The following MOSPD3 variants were observed in gnomAD, a reference collection of about 807,000 sequenced individuals.
MOSPD3 encodes motile sperm domain containing 3.
In MOSPD3, 20 loss-of-function variants were observed where a neutral mutation model predicts 23.3. The ratio of observed to expected loss-of-function variants is 0.86; its 90% confidence interval spans 0.61 to 1.25. The LOEUF (loss-of-function observed/expected upper bound fraction) is 1.25. Among genes scored for constraint, MOSPD3 ranks in the 50% most tolerant of loss-of-function variants. The pLI, the probability that MOSPD3 is intolerant of heterozygous loss-of-function variation, is 0.00. For missense variants in MOSPD3, 307 were observed against 315.7 expected, an observed-to-expected ratio of 0.97 and a Z score of 0.21; for synonymous variants, 136 against 135.2, an observed-to-expected ratio of 1.01 and a Z score of -0.04.
chr7:100,614,619 T>G (rs1232522069), intron 3 of MOSPD3, among the ~76,000 whole-genome samples: 1 of 151,650 alleles, frequency 6.6e-6, no homozygotes, highest in Non-Finnish European at 1.5e-5. Flanking sequence ...ACAAACAACT[T>G]AAAAATTAGC....
chr7:100,613,709 G>A lies in MOSPD3; in HGVS notation c.511+3G>A. 1.2e-6 allele frequency: 2 copies of A among 1,610,448 alleles called. No homozygotes were observed. The highest frequency in any genetic ancestry group is 8.5e-7 in the Non-Finnish European group (1 of 1,179,484). ...CACGGCCAGACACTTCCAGGAGCGT[G>A]AGTTGGGAGACTGGGATCTTGAGTT... On this transcript the variant is annotated splice_donor_region_variant and intron_variant, in intron 3 of 4. Transcript: ENST00000393950.
At chr7:100,613,445 C>T (rs1399566704) in intron 2 of MOSPD3, 32 bp from the exon 3 acceptor site, 1 of 1,608,516 alleles carries the variant, frequency 6.2e-7, no homozygotes, top group Non-Finnish European at 8.5e-7. Context: ...CCTCATTCAC[C>T]CCAATGGGCT....
chr7:100,614,828 G>T, intron 3 of MOSPD3, 39 bp from the exon 4 acceptor site: 1 of 1,588,004 alleles, frequency 6.3e-7, no homozygotes, highest in Non-Finnish European at 8.6e-7. Flanking sequence ...GGCTGGGCAG[G>T]AGTGGGGGCT....
At chr7:100,615,085 G>A (rs1016108841) in intron 4 of MOSPD3, 54 bp downstream of exon 4, 20 of 1,614,010 alleles carry the variant, frequency 1.2e-5, no homozygotes, top group Middle Eastern at 1.6e-4. Flanking sequence ...GAGAAGGGAC[G>A]GGAGGAGAGC....
intron 3 of MOSPD3, 65 bp from the exon 4 acceptor site, chr7:100,614,802 C>T: frequency 6.6e-7 from 1 of 1,514,062 alleles, no homozygotes; most frequent in Non-Finnish European, 8.9e-7. Context: ...GTTCAGGCTT[C>T]TCCCTGGAGG....
rs1478625569 is a variant in MOSPD3, at chr7:100,614,462, C to T, written c.512-405C>T. ...GCCTGGGTGCAACAGAGTGAGACTCCGTCTCAAAAAAAAAAAAAAGTAGAT... is the reference window on the plus strand; with the variant it reads ...GCCTGGGTGCAACAGAGTGAGACTCTGTCTCAAAAAAAAAAAAAAGTAGAT... On this transcript the variant is annotated intron_variant, in intron 3 of 4. Coordinates refer to ENST00000393950, the MANE Select transcript of MOSPD3 (RefSeq NM_023948.5). Among the ~76,000 whole-genome samples, 9 of 142,592 alleles carry T rather than the reference C, an allele frequency of 6.3e-5. No individual in the cohort carries two copies. In the South Asian group the frequency reaches 8.9e-4, roughly 14 times the overall value. The allele number at this position is 142,592 out of a possible 152,430, so 93.5% of individuals were successfully genotyped here. A position where few individuals can be genotyped will look rare whatever the true frequency, so the allele number is the denominator to read the frequency against.
At position 100,612,595 on chromosome 7, in the gene MOSPD3, G is replaced by GAGGAA. The variant is rs1188916753; in HGVS notation, c.-193_-189dup. On this transcript the variant is annotated 5_prime_UTR_variant, in exon 1 of 5. Coordinates refer to ENST00000393950, the MANE Select transcript of MOSPD3 (RefSeq NM_023948.5). ...GAAGGAACCTGGGGCAGAGCTGGAA[G>GAGGAA]AGGAAAGGTCTTGGGGGCCCTGGGC... 5 of 495,178 alleles carry GAGGAA rather than the reference G, an allele frequency of 1.0e-5. No homozygotes were observed. Among genetic ancestry groups the GAGGAA allele is most frequent in the African/African-American group, 1.0e-4 (5 of 49,622 alleles). The allele number at this position is 495,178 out of a possible 1,614,324, so 30.7% of individuals were successfully genotyped here.
chr7:100,612,961 T>A lies in MOSPD3; in HGVS notation c.170T>A (p.Leu57His). ...QRSGPRQLLT[L>H]YNPTGTALRF... Reference sequence around the variant, plus strand: ...AGCGGACCCCGACAGCTGCTGACCCTCTATAACCCCACAGGAACTGCGCTT... The same window carrying A: ...AGCGGACCCCGACAGCTGCTGACCCACTATAACCCCACAGGAACTGCGCTT... Residue 57 changes from leucine (L) to histidine (H), a missense_variant, in exon 1 of 5, where the codon CTC (leucine) becomes CAC (histidine). By Grantham distance (99) the Leu-to-His change is moderately conservative (BLOSUM62 -3). Transcript: ENST00000393950. 1 of 1,613,862 alleles carries A rather than the reference T, an allele frequency of 6.2e-7. No individual in the cohort carries two copies.
chr7:100,615,288 C>G lies in MOSPD3; in HGVS notation c.*105C>G. The G allele has an allele frequency of 9.7e-7, 1 of 1,033,466 alleles. No homozygotes were observed. The highest frequency in any genetic ancestry group is 1.4e-6 in the Non-Finnish European group (1 of 707,736). 64.0% of individuals were successfully genotyped at this position (1,033,466 alleles called of 1,614,324 possible). On this transcript the variant is annotated 3_prime_UTR_variant, in exon 5 of 5. Transcript: ENST00000393950. ...CTTGCCTCCTACCCTCTTCTCTTTC[C>G]TGCCTACTCCCCACTCCTCCCTGAC...
Position 100,613,677 on chromosome 7 carries a change from C to G in MOSPD3, c.482C>G (p.Pro161Arg), listed in dbSNP as rs1311134948. ...APRPGPPAGT[P>R]PPTARHFQEH... The stretch of plus-strand genomic sequence containing the variant: ...CGCCCAGGGCCTCCTGCTGGGACAC[C>G]ACCACCCACGGCCAGACACTTCCAG... Residue 161 changes from proline (P) to arginine (R), a missense_variant, in exon 3 of 5, where the codon CCA (proline) becomes CGA (arginine). Pro to Arg is a moderately radical substitution (Grantham distance 103). Transcript: ENST00000393950. The G allele has an allele frequency of 6.2e-7, 1 of 1,613,210 alleles. No homozygotes were observed. Among genetic ancestry groups the G allele is most frequent in the African/African-American group, 1.3e-5 (1 of 74,920 alleles).
Position 100,612,877 on chromosome 7 carries a change from G to T in MOSPD3, c.86G>T (p.Gly29Val), listed in dbSNP as rs752950649. The change falls in exon 1 of 5, where the codon GGA becomes GTA. Residue 29 changes from glycine to valine, a missense_variant. By Grantham distance (109) the Gly-to-Val change is moderately radical. Coordinates refer to ENST00000393950, the MANE Select transcript of MOSPD3 (RefSeq NM_023948.5). ...RGSRGAPPPL[G>V]PVVPVLVFPP... Reference sequence around the variant, plus strand: ...TCCCGGGGCGCCCCTCCTCCCTTGGGACCCGTTGTCCCGGTCCTGGTCTTT... The same window carrying T: ...TCCCGGGGCGCCCCTCCTCCCTTGGTACCCGTTGTCCCGGTCCTGGTCTTT... The T allele has an allele frequency of 6.2e-7, 1 of 1,613,016 alleles. No homozygotes were observed. The highest frequency in any genetic ancestry group is 1.1e-5 in the South Asian group (1 of 91,074).
At chr7:100,615,104 C>T in intron 4 of MOSPD3, 48 bp from the exon 5 acceptor site, 2 of 1,613,986 alleles carry the variant, frequency 1.2e-6, no homozygotes, top group Admixed American at 1.7e-5. Flanking sequence ...GCTAACAGAG[C>T]CCCAGGGCTG....
rs757808230 is a variant in MOSPD3, at chr7:100,612,898, T to A, written c.107T>A (p.Val36Asp). 5 of 1,612,892 alleles carry A rather than the reference T, an allele frequency of 3.1e-6. No individual in the cohort carries two copies. In the South Asian group the frequency reaches 5.5e-5, roughly 18 times the overall value. The stretch of plus-strand genomic sequence containing the variant: ...TTGGGACCCGTTGTCCCGGTCCTGG[T>A]CTTTCCCCCGGATCTAGTATTCAGG... ...PPLGPVVPVL[V>D]FPPDLVFRAD... is the part of the protein sequence containing the mutation. Residue 36 changes from valine to aspartate, a missense_variant, in exon 1 of 5, where the codon GTC (valine) becomes GAC (aspartate). Physicochemically the swap from Val to Asp is radical, Grantham distance 152. Transcript: ENST00000393950.
rs778222272 is a variant in MOSPD3, at chr7:100,614,915, C to T, written c.560C>T (p.Thr187Met). The change falls in exon 4 of 5, where the codon ACG (threonine) becomes ATG (methionine). Residue 187 changes from threonine to methionine, a missense_variant. Transcript: ENST00000393950. ...AGCTCCTTCCTCCTCTTCTTGCTGA[C>T]GGGGATTGTGTCTGTGGCCTTCCTG... is the stretch of plus-strand genomic sequence containing the variant. ...ATSSFLLFLL[T>M]GIVSVAFLLL... 39 of 1,614,140 alleles carry T rather than the reference C, an allele frequency of 2.4e-5. No individual in the cohort carries two copies. Among genetic ancestry groups the T allele is most frequent in the African/African-American group, 4.0e-5 (3 of 75,032 alleles).
chr7:100,614,395 G>A (rs538777002), intron 3 of MOSPD3, among the ~76,000 whole-genome samples: 36 of 152,094 alleles, frequency 2.4e-4, no homozygotes, highest in Admixed American at 1.4e-3. Flanking sequence ...GAACCTAGGA[G>A]GCAGAGGCTG....
chr7:100,612,851 G>T lies in MOSPD3; in HGVS notation c.60G>T (p.Gly20=). ...ELVGPGPPGR[G]SRGAPPPLGP... Reference sequence around the variant, plus strand: ...TGGGTCCGGGGCCCCCTGGGCGGGGGTCCCGGGGCGCCCCTCCTCCCTTGG... The same window carrying T: ...TGGGTCCGGGGCCCCCTGGGCGGGGTTCCCGGGGCGCCCCTCCTCCCTTGG... Residue 20 remains glycine, a synonymous_variant, in exon 1 of 5, where the codon GGG becomes GGT. Coordinates refer to ENST00000393950, the MANE Select transcript of MOSPD3 (RefSeq NM_023948.5). The T allele has an allele frequency of 6.2e-7, 1 of 1,612,108 alleles. No individual in the cohort carries two copies. The highest frequency in any genetic ancestry group is 8.5e-7 in the Non-Finnish European group (1 of 1,179,540).
chr7:100,615,000 G>C lies in MOSPD3; in HGVS notation c.645G>C (p.Leu215=). The change falls in exon 4 of 5, where the codon CTG becomes CTC. Residue 215 remains leucine, a synonymous_variant. Transcript: ENST00000393950. The stretch of plus-strand genomic sequence containing the variant: ...TGCCTCAAGTCCTGCACGTCTCCCT[G>C]GGACAAAAGTTGGTGGCCGCCTACG... ...SQLPQVLHVS[L]GQKLVAAYVL... 6.2e-7 allele frequency: 1 copy of C among 1,614,146 alleles called. No individual in the cohort carries two copies. Among genetic ancestry groups the C allele is most frequent in the Non-Finnish European group, 8.5e-7 (1 of 1,179,998 alleles).
intron 3 of MOSPD3, among the ~76,000 whole-genome samples, chr7:100,614,211 C>G (rs1802923299): frequency 6.6e-6 from 1 of 152,136 alleles, no homozygotes; most frequent in Admixed American, 6.6e-5. Context: ...CGCCTATAAT[C>G]CCAGTGCTTT....
chr7:100,613,023 CT>C (rs768355013), intron 1 of MOSPD3, 27 bp downstream of exon 1: 12 of 1,612,528 alleles, frequency 7.4e-6, no homozygotes, highest in Admixed American at 3.3e-5. Flanking sequence ...CTCGTGGGGG[CT>C]GGTGGCCGGA....
Sources: allele counts gnomAD v4.1 joint callset (sites outside exome capture counted in the v4.1 genomes callset), GRCh38; gene constraint gnomAD v4.1.1; transcripts MANE v1.5; gene names NCBI Gene and HGNC (gene_info 2026-07-23, HGNC 2026-07-21).